Variants in MYRIP observed in about 807,000 individuals in gnomAD.
MYRIP encodes the protein myosin VIIA and Rab interacting protein, also known as rab effector MyRIP.
In MYRIP, 49 loss-of-function variants were observed where a neutral mutation model predicts 98.0. That is an observed-to-expected ratio of 0.50 (90% CI 0.40 to 0.63). The LOEUF is 0.63. MYRIP is among the 30% of genes least tolerant of loss of function. MYRIP has a pLI of 0.00. For missense variants in MYRIP, 1,004 were observed against 1,058.2 expected (o/e 0.95, Z 0.71); for synonymous variants, 404 against 409.5 (o/e 0.99, Z 0.16).
At chr3:40,110,691 C>T (rs1336513020) in intron 3 of MYRIP, among the ~76,000 whole-genome samples, 1 of 152,134 alleles carries the variant, frequency 6.6e-6, no homozygotes, top group Non-Finnish European at 1.5e-5. Flanking sequence ...TTTCACAGGC[C>T]CACATACATG....
At chr3:40,090,526 C>A (rs1402859930) in intron 3 of MYRIP, among the ~76,000 whole-genome samples, 1 of 152,150 alleles carries the variant, frequency 6.6e-6, no homozygotes, top group Non-Finnish European at 1.5e-5. Context: ...ATCATTTCTG[C>A]TGAAGGATGG....
intron 2 of MYRIP, among the ~76,000 whole-genome samples, chr3:39,959,797 CAT>C (rs1453787526): frequency 6.6e-6 from 1 of 151,852 alleles, no homozygotes; most frequent in African/African-American, 2.4e-5. Context: ...TATTGTGTAA[CAT>C]ATGTTGAATA....
At chr3:40,071,047 A>G in intron 3 of MYRIP, 1 of 780,830 alleles carries the variant, frequency 1.3e-6, no homozygotes, top group East Asian at 1.3e-4. Context: ...GGCAAAGCCA[A>G]AGCAAGATGC....
intron 3 of MYRIP, chr3:40,100,232 A>C: frequency 2.0e-6 from 2 of 985,438 alleles, no homozygotes; most frequent in Non-Finnish European, 2.4e-6. Flanking sequence ...GCTTGGCAGA[A>C]AGAAAACCAC....
intron 1 of MYRIP, among the ~76,000 whole-genome samples, chr3:39,823,122 T>C (rs1941159437): frequency 6.7e-6 from 1 of 150,040 alleles, no homozygotes; most frequent in Admixed American, 6.7e-5. Flanking sequence ...TGGGTTCAAG[T>C]GTTTCTCCTG....
intron 2 of MYRIP, among the ~76,000 whole-genome samples, chr3:40,025,724 G>A (rs1171726601): frequency 3.9e-5 from 6 of 152,074 alleles, no homozygotes; most frequent in African/African-American, 1.4e-4. Context: ...GTAGGTCCAC[G>A]ATGCCTACCT....
rs1159767229 is a variant in MYRIP, at chr3:40,258,614, A to G, written c.*448A>G. 2.9e-5 allele frequency: 5 copies of G among 169,656 alleles called. No homozygotes were observed. The highest frequency in any genetic ancestry group is 6.5e-5 in the Non-Finnish European group (5 of 77,194). 10.5% of individuals were successfully genotyped at this position (169,656 alleles called of 1,614,324 possible). ...ATTATTTAATACATCATTAATGCTT[A>G]TTAATCTCTCACAAGCATCTTTGTC... is the stretch of plus-strand genomic sequence containing the variant. On this transcript the variant is annotated 3_prime_UTR_variant, in exon 17 of 17. Coordinates refer to ENST00000302541, the MANE Select transcript of MYRIP (RefSeq NM_015460.4).
Position 40,076,162 on chromosome 3 carries a change from C to G in MYRIP, c.332+31891C>G, listed in dbSNP as rs71329602. Among the ~76,000 whole-genome samples the G allele has an allele frequency of 7.7e-3, 1,173 of 152,316 alleles. 46 individuals are homozygous for G. The highest frequency in any genetic ancestry group is 0.069 in the Admixed American group (1,062 of 15,300). ...TGAAGTGCAATGAGCTGTGATTGCA[C>G]TATTGCTTTCCAGTGTTGCTCTGGA... is the stretch of plus-strand genomic sequence containing the variant. On this transcript the variant is annotated intron_variant, in intron 3 of 16. Coordinates refer to ENST00000302541, the MANE Select transcript of MYRIP (RefSeq NM_015460.4).
chr3:39,968,323 C>T (rs1237785811), intron 2 of MYRIP, among the ~76,000 whole-genome samples: 3 of 151,940 alleles, frequency 2.0e-5, no homozygotes, highest in African/African-American at 7.3e-5. Context: ...CAGGCACGTG[C>T]CACCATACCA....
chr3:39,851,069 CAG>C (rs1460842624), intron 1 of MYRIP, among the ~76,000 whole-genome samples: 4 of 152,290 alleles, frequency 2.6e-5, no homozygotes, highest in East Asian at 1.9e-4. Flanking sequence ...ATCAAGATGA[CAG>C]GGGGATATTC....
At chr3:40,214,479 CT>C (rs907218992) in intron 11 of MYRIP, among the ~76,000 whole-genome samples, 1 of 152,214 alleles carries the variant, frequency 6.6e-6, no homozygotes, top group African/African-American at 2.4e-5. Context: ...TGATTCAAAC[CT>C]TTGCTGTATG....
chr3:40,204,645 C>A (rs535844179), intron 10 of MYRIP, among the ~76,000 whole-genome samples: 12 of 152,164 alleles, frequency 7.9e-5, no homozygotes, highest in African/African-American at 1.9e-4. Flanking sequence ...CTTTTTCTTT[C>A]CATTTAAACC....
intron 1 of MYRIP, among the ~76,000 whole-genome samples, chr3:39,811,620 G>A (rs1424619010): frequency 6.6e-6 from 1 of 151,750 alleles, no homozygotes; most frequent in African/African-American, 2.4e-5. Context: ...TGTCTCTGTG[G>A]GCCAGAAGCT....
intron 1 of MYRIP, among the ~76,000 whole-genome samples, chr3:39,840,795 C>G (rs1170482387): frequency 1.3e-5 from 2 of 152,326 alleles, no homozygotes; most frequent in Non-Finnish European, 1.5e-5. Flanking sequence ...TGGCCCCACT[C>G]TCTTGTGGCT....
At chr3:40,114,273 T>C (rs1949227722) in intron 3 of MYRIP, among the ~76,000 whole-genome samples, 1 of 152,198 alleles carries the variant, frequency 6.6e-6, no homozygotes, top group African/African-American at 2.4e-5. Context: ...CCTACAGTAT[T>C]CAGTACAATT....
Position 40,192,353 on chromosome 3 carries a change from T to TA in MYRIP, c.1665+1890_1665+1891insA, listed in dbSNP as rs1491229160. Among the ~76,000 whole-genome samples, 407 of 138,164 alleles carry TA rather than the reference T, an allele frequency of 2.9e-3. 14 individuals carry two copies. In the East Asian group the frequency reaches 0.057, roughly 19 times the overall value. The allele number at this position is 138,164 out of a possible 152,430, so 90.6% of individuals were successfully genotyped here. ...CATATATATATATGTCATATATATA[T>TA]TTATATTTATTTAAGTTATTTACTT... On this transcript the variant is annotated intron_variant, in intron 10 of 16. Coordinates refer to ENST00000302541, the MANE Select transcript of MYRIP (RefSeq NM_015460.4).
At chr3:39,914,543 AAAC>A (rs2125683913) in intron 2 of MYRIP, among the ~76,000 whole-genome samples, 1 of 152,240 alleles carries the variant, frequency 6.6e-6, no homozygotes, top group South Asian at 2.1e-4. Context: ...ACAATAAAAT[AAAC>A]AATCTATATT....
chr3:40,110,912 GTGTGTGTGTGTGTGTA>G (rs777891488), intron 3 of MYRIP, among the ~76,000 whole-genome samples: 1 of 133,950 alleles, frequency 7.5e-6, no homozygotes, highest in Non-Finnish European at 1.7e-5. Context: ...GTGTGTGTGT[GTGTGTGTGTGTGTGTA>G]GCGTACTCAT....
chr3:39,821,113 G>A (rs974068608), intron 1 of MYRIP, among the ~76,000 whole-genome samples: 2 of 152,156 alleles, frequency 1.3e-5, no homozygotes, highest in African/African-American at 4.8e-5. Flanking sequence ...TCCCCAAAAG[G>A]TGGAAACATT....
Sources: allele counts gnomAD v4.1 joint callset (sites outside exome capture counted in the v4.1 genomes callset), GRCh38; gene constraint gnomAD v4.1.1; transcripts MANE v1.5; gene names NCBI Gene and HGNC (gene_info 2026-07-23, HGNC 2026-07-21).